BPNT2: variants seen among roughly 807,000 people sequenced by gnomAD.
BPNT2 encodes Golgi-resident adenosine 3',5'-bisphosphate 3'-phosphatase.
Under a neutral mutation model 29.3 loss-of-function variants are expected in BPNT2, and 11 were observed. That is an observed-to-expected ratio of 0.38 (90% confidence interval 0.24 to 0.62). The LOEUF (loss-of-function observed/expected upper bound fraction) is 0.62, where lower values mean the gene tolerates loss of function less well. BPNT2 is among the 20% of genes least tolerant of loss of function. The pLI, the probability that BPNT2 is intolerant of heterozygous loss-of-function variation, is 0.62. For synonymous variants in BPNT2, 195 were observed against 187.7 expected (o/e 1.04, Z -0.32); for missense variants, 459 against 473.4 (o/e 0.97, Z 0.28).
At chr8:56,964,158 T>C in intron 4 of BPNT2, 94 bp from the exon 5 acceptor site, 1 of 911,306 alleles carries the variant, frequency 1.1e-6, no homozygotes, top group South Asian at 1.5e-5. Context: ...AATAGCAGGA[T>C]GGAGTGTGCA....
chr8:56,988,172 C>T (rs957312525), intron 1 of BPNT2, among the ~76,000 whole-genome samples: 2 of 152,174 alleles, frequency 1.3e-5, no homozygotes, highest in African/African-American at 2.4e-5. Context: ...TGTCTCATAT[C>T]TTAAAAACAA....
chr8:56,980,221 T>TA (rs752509453), intron 1 of BPNT2, 24 bp from the exon 2 acceptor site: 28 of 1,597,018 alleles, frequency 1.8e-5, no homozygotes, highest in East Asian at 4.5e-5. Flanking sequence ...AGGTGACAGT[T>TA]AAAAAAAGTA....
chr8:56,981,198 T>TA (rs1384079551), intron 1 of BPNT2, among the ~76,000 whole-genome samples: 10 of 152,284 alleles, frequency 6.6e-5, no homozygotes, highest in African/African-American at 2.4e-4. Context: ...CCATCCTATG[T>TA]AAAAAACACT....
chr8:56,987,969 C>A (rs1806352559), intron 1 of BPNT2, among the ~76,000 whole-genome samples: 1 of 151,962 alleles, frequency 6.6e-6, no homozygotes, highest in East Asian at 1.9e-4. Context: ...ACCTCATGAT[C>A]CACCCGCCTC....
intron 3 of BPNT2, among the ~76,000 whole-genome samples, chr8:56,969,447 G>A (rs997425801): frequency 6.6e-6 from 1 of 152,126 alleles, no homozygotes; most frequent in Admixed American, 6.6e-5. Flanking sequence ...TTTAACTGTG[G>A]ATTTAAGGGG....
At chr8:56,974,101 T>A (rs1176926901) in intron 3 of BPNT2, among the ~76,000 whole-genome samples, 1 of 152,184 alleles carries the variant, frequency 6.6e-6, no homozygotes, top group Non-Finnish European at 1.5e-5. Flanking sequence ...CTCTTATGAT[T>A]TTCTCAGTAA....
At position 56,963,616 on chromosome 8, in the gene BPNT2, AT is replaced by A; in HGVS notation, c.*176del. 1 of 640,438 alleles carries A rather than the reference AT, an allele frequency of 1.6e-6. No individual in the cohort carries two copies. Among genetic ancestry groups the A allele is most frequent in the Non-Finnish European group, 2.7e-6 (1 of 370,350 alleles). The allele number at this position is 640,438 out of a possible 1,614,324, so 39.7% of individuals were successfully genotyped here. On this transcript the variant is annotated 3_prime_UTR_variant, in exon 5 of 5. Transcript: ENST00000262644. ...CAATACTTGAGACACAAAGCAACCC[AT>A]TTTCCCTGATTTTGCATTCTATTAC... is the stretch of plus-strand genomic sequence containing the variant.
Position 56,978,160 on chromosome 8 carries a change from AC to A in BPNT2, c.551-16del, listed in dbSNP as rs759250562. 9.9e-6 allele frequency: 14 copies of A among 1,411,846 alleles called. No individual in the cohort carries two copies. The highest frequency in any genetic ancestry group is 2.3e-5 in the South Asian group (2 of 87,036). The allele number at this position is 1,411,846 out of a possible 1,614,324, so 87.5% of individuals were successfully genotyped here. On this transcript the variant is annotated splice_polypyrimidine_tract_variant and intron_variant, in intron 2 of 4. Transcript: ENST00000262644. ...TCGAAGATCCTCTATGAGAAAAAAA[AC>A]AAAACAACACACACAAATGTCAAAG...
In BPNT2 at chr8:56,960,301, A is replaced by T. The variant is rs1024091811; in HGVS notation, c.*3492T>A. On this transcript the variant is annotated 3_prime_UTR_variant, in exon 5 of 5. Transcript: ENST00000262644. Reference sequence around the variant, plus strand: ...AATTCAACATGAAACAAGGACAGATATCCTGATCCTGGGGTGACCAGGGTA... The same window carrying T: ...AATTCAACATGAAACAAGGACAGATTTCCTGATCCTGGGGTGACCAGGGTA... 6.6e-6 allele frequency: 1 copy of T among 152,212 alleles called. No individual in the cohort carries two copies. The highest frequency in any genetic ancestry group is 2.4e-5 in the African/African-American group (1 of 41,452). 9.4% of individuals were successfully genotyped at this position (152,212 alleles called of 1,614,324 possible). A position where few individuals can be genotyped will look rare whatever the true frequency, so the allele number is the denominator to read the frequency against.
rs1016512922 is a variant in BPNT2, at chr8:56,958,928, A to T, written c.*4865T>A. 6.6e-6 allele frequency: 1 copy of T among 152,182 alleles called. No individual in the cohort carries two copies. The highest frequency in any genetic ancestry group is 2.4e-5 in the African/African-American group (1 of 41,446). The allele number at this position is 152,182 out of a possible 1,614,324, so 9.4% of individuals were successfully genotyped here. A position where few individuals can be genotyped will look rare whatever the true frequency, so the allele number is the denominator to read the frequency against. On this transcript the variant is annotated 3_prime_UTR_variant, in exon 5 of 5. Coordinates refer to ENST00000262644, the MANE Select transcript of BPNT2 (RefSeq NM_017813.5). ...GTAGATAATTTCAGTGACGGAGGGG[A>T]TGAAATATTTTTTGGTTAATTGATG...
At chr8:56,993,161 A>C (rs942360103) in intron 1 of BPNT2, 38 bp downstream of exon 1, 1 of 1,574,530 alleles carries the variant, frequency 6.4e-7, no homozygotes, top group South Asian at 1.1e-5. Context: ...GAGACGCGCT[A>C]CCCGGCTCGA....
chr8:56,971,951 C>T (rs1324182792), intron 3 of BPNT2, among the ~76,000 whole-genome samples: 2 of 151,760 alleles, frequency 1.3e-5, no homozygotes, highest in Non-Finnish European at 2.9e-5. Flanking sequence ...AAAAATTAGC[C>T]GGGCGTGGTG....
At chr8:56,965,300 C>T (rs1805922380) in intron 4 of BPNT2, among the ~76,000 whole-genome samples, 1 of 152,108 alleles carries the variant, frequency 6.6e-6, no homozygotes, top group African/African-American at 2.4e-5. Context: ...GCCTGGGAGA[C>T]AGAATGAGAC....
In BPNT2 at chr8:56,993,643, C is replaced by G. The variant is rs1806458481; in HGVS notation, c.-58G>C. ...TCTCACAGGCCTCCAGCGCCCGCCG[C>G]CGCCGCCGCCGCAGCCGCCGCGCTC... On this transcript the variant is annotated 5_prime_UTR_variant, in exon 1 of 5. Transcript: ENST00000262644. The G allele has an allele frequency of 9.1e-6, 11 of 1,211,920 alleles. No individual in the cohort carries two copies. The highest frequency in any genetic ancestry group is 1.1e-5 in the Non-Finnish European group (11 of 976,214). 75.1% of individuals were successfully genotyped at this position (1,211,920 alleles called of 1,614,324 possible).
chr8:56,963,877 T>C lies in BPNT2; in HGVS notation c.996A>G (p.Glu332=). 1 of 1,614,132 alleles carries C rather than the reference T, an allele frequency of 6.2e-7. No individual in the cohort carries two copies. The highest frequency in any genetic ancestry group is 1.1e-5 in the South Asian group (1 of 91,076). Reference sequence around the variant, plus strand: ...TTCTGATGCTAGCAAGGAGTCCCCCTTCAATGCCGTCTGAACCAGTGTAAC... The same window carrying C: ...TTCTGATGCTAGCAAGGAGTCCCCCCTCAATGCCGTCTGAACCAGTGTAAC... The part of the protein sequence containing the change: ...EISYTGSDGI[E]GGLLASIRMN... The change falls in exon 5 of 5, where the codon GAA becomes GAG. Residue 332 remains glutamate (E), a synonymous_variant. Transcript: ENST00000262644.
Position 56,963,987 on chromosome 8 carries a change from T to C in BPNT2, c.886A>G (p.Ile296Val), listed in dbSNP as rs775242998. Reference sequence around the variant, plus strand: ...CCAGCACATATATCCCACTTTTTGATGTATGTCACATGGATGTATAAATCA... The same window carrying C: ...CCAGCACATATATCCCACTTTTTGACGTATGTCACATGGATGTATAAATCA... ...KADLYIHVTY[I>V]KKWDICAGNA... The change falls in exon 5 of 5, where the codon ATC becomes GTC. Residue 296 changes from isoleucine to valine, a missense_variant. Transcript: ENST00000262644. The C allele has an allele frequency of 3.7e-6, 6 of 1,613,204 alleles. No individual in the cohort carries two copies. Among genetic ancestry groups the C allele is most frequent in the Non-Finnish European group, 5.1e-6 (6 of 1,179,454 alleles).
At chr8:56,971,870 C>T (rs140936289) in intron 3 of BPNT2, among the ~76,000 whole-genome samples, 249 of 136,198 alleles carry the variant, frequency 1.8e-3, no homozygotes, top group African/African-American at 6.3e-3. Flanking sequence ...CTGAGGAGGG[C>T]GGATCATGAG....
chr8:56,960,223 C>T lies in BPNT2; in HGVS notation c.*3570G>A, dbSNP rs1297752258. 2 of 152,196 alleles carry T rather than the reference C, an allele frequency of 1.3e-5. No individual in the cohort carries two copies. The highest frequency in any genetic ancestry group is 4.8e-5 in the African/African-American group (2 of 41,448). 9.4% of individuals were successfully genotyped at this position (152,196 alleles called of 1,614,324 possible). On this transcript the variant is annotated 3_prime_UTR_variant, in exon 5 of 5. Transcript: ENST00000262644. ...CACTCCACCTTTCTTTACTTATGCT[C>T]AGCTATCAGAGATGGCTGTCACCTT...
intron 2 of BPNT2, 33 bp from the exon 3 acceptor site, chr8:56,978,178 AT>A: frequency 7.8e-7 from 1 of 1,278,474 alleles, no homozygotes; most frequent in Non-Finnish European, 1.1e-6. Flanking sequence ...ACACACACAA[AT>A]GTCAAAGTAA....
Sources: allele counts gnomAD v4.1 joint callset (sites outside exome capture counted in the v4.1 genomes callset), GRCh38; gene constraint gnomAD v4.1.1; transcripts MANE v1.5; gene names NCBI Gene and HGNC (gene_info 2026-07-23, HGNC 2026-07-21).